PCDHA10: variants seen among roughly 807,000 people sequenced by gnomAD.
The protein encoded by PCDHA10 is protocadherin alpha 10.
In PCDHA10, 45 loss-of-function variants were observed where a neutral mutation model predicts 61.2. The observed-to-expected ratio is 0.74, with a 90% confidence interval of 0.58 to 0.94. PCDHA10 has a LOEUF of 0.94. PCDHA10 is among the 40% of genes least tolerant of loss of function. The pLI is 0.00. For missense variants in PCDHA10, 1,278 were observed against 1,236.2 expected (o/e 1.03, Z -0.51); for synonymous variants, 602 against 548.8 (o/e 1.10, Z -1.35).
intron 1 of PCDHA10, among the ~76,000 whole-genome samples, chr5:140,912,652 G>C (rs555103404): frequency 1.4e-4 from 21 of 152,250 alleles, no homozygotes; most frequent in African/African-American, 5.1e-4. Context: ...TTGAATAGAA[G>C]TGGTGAAAAT....
At chr5:140,935,178 G>C (rs2090229039) in intron 1 of PCDHA10, among the ~76,000 whole-genome samples, 2 of 152,146 alleles carry the variant, frequency 1.3e-5, no homozygotes, top group African/African-American at 4.8e-5. Context: ...GCTTATTGCT[G>C]CTGGGTCAGT....
At chr5:140,927,457 A>G in intron 1 of PCDHA10, 1 of 1,614,098 alleles carries the variant, frequency 6.2e-7, no homozygotes, top group Non-Finnish European at 8.5e-7. Flanking sequence ...GGTGTTGGAG[A>G]AAGCACTGGA....
rs781992926 is a variant in PCDHA10 at position 140,990,008 on chromosome 5, G to A, written c.2536+7445G>A. On this transcript the variant is annotated intron_variant, in intron 3 of 3. Coordinates refer to ENST00000307360, the MANE Select transcript of PCDHA10 (RefSeq NM_018901.4). ...CCTGAAATTGTCTATCTCCAAGGGCGTGGGCTAGGCAAAGGATGGGAGAAG... is the reference window on the plus strand; with the variant it reads ...CCTGAAATTGTCTATCTCCAAGGGCATGGGCTAGGCAAAGGATGGGAGAAG... Among the ~76,000 whole-genome samples the A allele has an allele frequency of 2.8e-4, 43 of 152,230 alleles. 1 individual carries two copies. The highest frequency in any genetic ancestry group is 9.1e-4 in the African/African-American group (38 of 41,532).
At chr5:140,889,160 A>T (rs1582978614) in intron 1 of PCDHA10, among the ~76,000 whole-genome samples, 1 of 151,778 alleles carries the variant, frequency 6.6e-6, no homozygotes, top group Middle Eastern at 3.4e-3. Context: ...TTCTTTGTTA[A>T]GTATTCAAGT....
In PCDHA10 at chr5:140,857,366, G is replaced by C; in HGVS notation, c.1318G>C (p.Val440Leu). Residue 440 changes from valine to leucine, a missense_variant, in exon 1 of 4, where the codon GTG becomes CTG. By Grantham distance (32) the Val-to-Leu change is conservative (BLOSUM62 1). Coordinates refer to ENST00000307360, the MANE Select transcript of PCDHA10 (RefSeq NM_018901.4). ...GCCTCCGCTGTGGGCCACGGCCAGCGTGTCTGTGGAGGTGGCCGACGTGAA... is the reference window on the plus strand; with the variant it reads ...GCCTCCGCTGTGGGCCACGGCCAGCCTGTCTGTGGAGGTGGCCGACGTGAA... Reference protein sequence around the residue: ...GSPPLWATASVSVEVADVNDN... With the variant: ...GSPPLWATASLSVEVADVNDN... 2.5e-6 allele frequency: 4 copies of C among 1,598,350 alleles called. No homozygotes were observed. The highest frequency in any genetic ancestry group is 3.4e-6 in the Non-Finnish European group (4 of 1,167,770).
At chr5:140,937,009 C>A (rs1409113092) in intron 1 of PCDHA10, among the ~76,000 whole-genome samples, 11 of 151,930 alleles carry the variant, frequency 7.2e-5, no homozygotes, top group African/African-American at 1.9e-4. Context: ...AGACAGACAA[C>A]CGATTAACAA....
At chr5:141,006,622 T>C (rs555577523) in intron 3 of PCDHA10, among the ~76,000 whole-genome samples, 21 of 152,132 alleles carry the variant, frequency 1.4e-4, no homozygotes, top group Non-Finnish European at 7.3e-5. Flanking sequence ...AAGGAGACTA[T>C]TGCTGCAATT....
At chr5:140,891,409 C>T (rs1295005747) in intron 1 of PCDHA10, among the ~76,000 whole-genome samples, 1 of 148,202 alleles carries the variant, frequency 6.7e-6, no homozygotes, top group Non-Finnish European at 1.5e-5. Context: ...CGCCACCCCC[C>T]ACTCTTGCCC....
At chr5:140,862,660 G>C (rs569424242) in intron 1 of PCDHA10, 56 of 546,542 alleles carry the variant, frequency 1.0e-4, no homozygotes, top group African/African-American at 8.2e-4. Flanking sequence ...GCGGGACCGG[G>C]ACGCGCAGGA....
At chr5:140,926,982 G>A (rs1554203886) in intron 1 of PCDHA10, 1 of 1,610,398 alleles carries the variant, frequency 6.2e-7, no homozygotes, top group East Asian at 2.2e-5. Flanking sequence ...CGGAGGAGAC[G>A]GAGCGGGGCG....
intron 1 of PCDHA10, among the ~76,000 whole-genome samples, chr5:140,874,231 G>T (rs1554167098): frequency 6.6e-6 from 1 of 152,124 alleles, no homozygotes; most frequent in African/African-American, 2.4e-5. Flanking sequence ...GGAATGAATG[G>T]CAACAAATTA....
rs367885958 is a variant in PCDHA10, at chr5:140,884,427, C to G, written c.2388+25991C>G. The G allele has an allele frequency of 2.5e-5, 40 of 1,613,840 alleles. No individual in the cohort carries two copies. The African/African-American group carries it at 5.1e-4, about 20-fold the overall frequency. ...GTGCTCACGTTGCTGCTGTATACTG[C>G]GCTGCGGTGCTCGGCACCGCCCACC... is the stretch of plus-strand genomic sequence containing the variant. On this transcript the variant is annotated intron_variant, in intron 1 of 3. Coordinates refer to ENST00000307360, the MANE Select transcript of PCDHA10 (RefSeq NM_018901.4).
chr5:140,992,789 T>G (rs2097528439), intron 3 of PCDHA10, among the ~76,000 whole-genome samples: 1 of 152,148 alleles, frequency 6.6e-6, no homozygotes, highest in Admixed American at 6.5e-5. Flanking sequence ...AGGGTCAATT[T>G]TATGGATCCA....
intron 1 of PCDHA10, among the ~76,000 whole-genome samples, chr5:140,914,395 C>G (rs781878941): frequency 6.6e-6 from 1 of 152,082 alleles, no homozygotes; most frequent in African/African-American, 2.4e-5. Context: ...TGTAGTTACC[C>G]CTGCTCCTGT....
At chr5:140,959,099 G>T (rs1233693181) in intron 1 of PCDHA10, among the ~76,000 whole-genome samples, 1 of 152,078 alleles carries the variant, frequency 6.6e-6, no homozygotes, top group Non-Finnish European at 1.5e-5. Context: ...CGGACATTCA[G>T]CAGGGGTCCG....
intron 1 of PCDHA10, among the ~76,000 whole-genome samples, chr5:140,951,209 A>C (rs1302279809): frequency 6.6e-6 from 1 of 151,904 alleles, no homozygotes; most frequent in Non-Finnish European, 1.5e-5. Context: ...GTGTCATCTC[A>C]GGTTTGGATT....
chr5:140,927,236 T>G, intron 1 of PCDHA10: 1 of 1,614,120 alleles, frequency 6.2e-7, no homozygotes, highest in Non-Finnish European at 8.5e-7. Context: ...ATTCACGTCC[T>G]GGACACCAAT....
chr5:141,010,432 CAA>C lies in PCDHA10; in HGVS notation c.*497_*498del. The C allele has an allele frequency of 8.5e-6, 9 of 1,056,970 alleles. No individual in the cohort carries two copies. The highest frequency in any genetic ancestry group is 1.2e-5 in the Non-Finnish European group (9 of 756,282). 65.5% of individuals were successfully genotyped at this position (1,056,970 alleles called of 1,614,324 possible). A position where few individuals can be genotyped will look rare whatever the true frequency, so the allele number is the denominator to read the frequency against. On this transcript the variant is annotated 3_prime_UTR_variant, in exon 4 of 4. Coordinates refer to ENST00000307360, the MANE Select transcript of PCDHA10 (RefSeq NM_018901.4). Reference sequence around the variant, plus strand: ...AATTGGTACAAGGAAGGCAAGAAAACAAAGACAAATAAACAGCGGAAGTTATC... The same window carrying C: ...AATTGGTACAAGGAAGGCAAGAAAACAGACAAATAAACAGCGGAAGTTATC...
rs782499527 is a variant in PCDHA10, at chr5:140,871,070, C to T, written c.2388+12634C>T. ...GTACTGGTGAAGGATCACGGTGAGC[C>T]GGCGCTGACGGCCACGGCCACCGTG... On this transcript the variant is annotated intron_variant, in intron 1 of 3. Transcript: ENST00000307360. 11 of 1,613,094 alleles carry T rather than the reference C, an allele frequency of 6.8e-6. No homozygotes were observed. The South Asian group carries it at 9.9e-5, about 14-fold the overall frequency.
Sources: allele counts gnomAD v4.1 joint callset (sites outside exome capture counted in the v4.1 genomes callset), GRCh38; gene constraint gnomAD v4.1.1; transcripts MANE v1.5; gene names NCBI Gene and HGNC (gene_info 2026-07-23, HGNC 2026-07-21).